The following CMSS1 variants were observed in gnomAD, a reference collection of about 807,000 sequenced individuals.
CMSS1 encodes the protein cms1 ribosomal small subunit homolog.
A neutral mutation model predicts 43.5 loss-of-function variants in CMSS1; 33 were observed. That is an observed-to-expected ratio of 0.76 (90% confidence interval 0.57 to 1.01). The LOEUF is 1.01. Among genes scored for constraint, CMSS1 ranks in the 50% least tolerant of loss-of-function variants. The pLI, the probability that CMSS1 is intolerant of heterozygous loss-of-function variation, is 0.00. For synonymous variants in CMSS1, 115 were observed against 117.2 expected, an observed-to-expected ratio of 0.98 and a Z score of 0.12; for missense variants, 313 against 326.4, an observed-to-expected ratio of 0.96 and a Z score of 0.32.
chr3:99,871,485 T>A (rs1033476216), intron 1 of CMSS1, among the ~76,000 whole-genome samples: 5 of 152,118 alleles, frequency 3.3e-5, no homozygotes, highest in Admixed American at 2.0e-4. Context: ...AAGAGACAGA[T>A]AATAAGCAAA....
intron 1 of CMSS1, among the ~76,000 whole-genome samples, chr3:99,918,379 A>G (rs113165582): frequency 1.5e-3 from 228 of 152,266 alleles, no homozygotes; most frequent in African/African-American, 5.1e-3. Context: ...CACTATCTCT[A>G]AGCTCCTGGT....
chr3:100,129,742 A>T (rs2066691870), intron 1 of CMSS1, among the ~76,000 whole-genome samples: 1 of 152,070 alleles, frequency 6.6e-6, no homozygotes, highest in African/African-American at 2.4e-5. Context: ...GAAACTCAAT[A>T]CTCACACTGT....
intron 9 of CMSS1, 86 bp downstream of exon 9, chr3:100,176,501 G>A (rs2067149441): frequency 4.9e-6 from 4 of 811,434 alleles, no homozygotes; most frequent in Non-Finnish European, 8.2e-6. Flanking sequence ...TTGACATGAG[G>A]AGCCAGCACA....
At chr3:100,005,277 A>G (rs1310796179) in intron 1 of CMSS1, among the ~76,000 whole-genome samples, 2 of 152,198 alleles carry the variant, frequency 1.3e-5, no homozygotes, top group African/African-American at 2.4e-5. Flanking sequence ...TTTTGGCTCA[A>G]TATTCAGTGT....
intron 1 of CMSS1, chr3:99,850,926 C>A: frequency 6.2e-7 from 1 of 1,614,136 alleles, no homozygotes; most frequent in East Asian, 2.2e-5. Flanking sequence ...TGAGCTGTGC[C>A]GTCAGCCTTT....
intron 1 of CMSS1, among the ~76,000 whole-genome samples, chr3:99,934,937 AGTG>A (rs1427562585): frequency 6.6e-6 from 1 of 152,214 alleles, no homozygotes; most frequent in African/African-American, 2.4e-5. Flanking sequence ...TGATTAATGA[AGTG>A]GTGTTCACAT....
intron 1 of CMSS1, among the ~76,000 whole-genome samples, chr3:99,975,059 G>A (rs1708929343): frequency 6.6e-6 from 1 of 152,178 alleles, no homozygotes; most frequent in South Asian, 2.1e-4. Flanking sequence ...GACTGCTAAT[G>A]TTCCAGGAAC....
At chr3:100,046,245 CA>C (rs2065277443) in intron 1 of CMSS1, among the ~76,000 whole-genome samples, 1 of 152,118 alleles carries the variant, frequency 6.6e-6, no homozygotes, top group Admixed American at 6.6e-5. Flanking sequence ...CGTTTGGATC[CA>C]GTAACTTCTT....
rs973544517 is a variant in CMSS1, at chr3:100,027,642, A to G, written c.65-119331A>G. ...TTTGTGCCTCAACATTGTTTTTCCC[A>G]AGGTATTGCTGTTTAGAATATGGAA... On this transcript the variant is annotated intron_variant, in intron 1 of 9. Transcript: ENST00000421999. Among the ~76,000 whole-genome samples, 3 of 152,134 alleles carry G rather than the reference A, an allele frequency of 2.0e-5. No homozygotes were observed. In the East Asian group the frequency reaches 5.8e-4, roughly 29 times the overall value.
At chr3:99,917,612 A>T (rs898131107) in intron 1 of CMSS1, among the ~76,000 whole-genome samples, 7 of 152,106 alleles carry the variant, frequency 4.6e-5, no homozygotes, top group African/African-American at 1.7e-4. Flanking sequence ...GGCTTCTGAG[A>T]TTTCTGTAAT....
intron 1 of CMSS1, among the ~76,000 whole-genome samples, chr3:99,900,019 G>A (rs1038993937): frequency 3.3e-5 from 5 of 152,152 alleles, no homozygotes; most frequent in Non-Finnish European, 7.3e-5. Flanking sequence ...AACTTGTCAG[G>A]ACTTTAGGAT....
chr3:100,132,336 A>G (rs1391769065), intron 1 of CMSS1, among the ~76,000 whole-genome samples: 1 of 152,120 alleles, frequency 6.6e-6, no homozygotes, highest in African/African-American at 2.4e-5. Flanking sequence ...CCAGCAGTTC[A>G]AGGCTATAGT....
intron 1 of CMSS1, among the ~76,000 whole-genome samples, chr3:99,946,972 T>TA (rs1245716089): frequency 6.6e-6 from 1 of 151,532 alleles, no homozygotes; most frequent in South Asian, 2.1e-4. Context: ...CCGCCTCTAC[T>TA]AAAAAAATAC....
chr3:99,911,630 A>G (rs1706792069), intron 1 of CMSS1, among the ~76,000 whole-genome samples: 1 of 152,124 alleles, frequency 6.6e-6, no homozygotes, highest in South Asian at 2.1e-4. Context: ...TCTGCCTGCT[A>G]AGTCTACTCA....
intron 8 of CMSS1, among the ~76,000 whole-genome samples, chr3:100,176,077 A>G (rs1383870902): frequency 6.6e-6 from 1 of 152,176 alleles, no homozygotes; most frequent in Non-Finnish European, 1.5e-5. Context: ...GCGTGTGAGC[A>G]TTTGAGGAGC....
chr3:99,892,006 A>T (rs1250705940), intron 1 of CMSS1, among the ~76,000 whole-genome samples: 1 of 152,146 alleles, frequency 6.6e-6, no homozygotes. Flanking sequence ...TGATTTTTTC[A>T]CAGTTGTTAC....
chr3:99,881,716 A>G (rs966762947), intron 1 of CMSS1, among the ~76,000 whole-genome samples: 10 of 152,022 alleles, frequency 6.6e-5, no homozygotes, highest in African/African-American at 1.7e-4. Flanking sequence ...TATTTTTAGT[A>G]AAGACGGGGT....
At chr3:99,849,426 T>C (rs1576509604) in intron 1 of CMSS1, 1 of 1,614,228 alleles carries the variant, frequency 6.2e-7, no homozygotes, top group Non-Finnish European at 8.5e-7. Context: ...CTTGTTGATT[T>C]AGTTTTTTTT....
chr3:99,905,614 G>A (rs1396408045), intron 1 of CMSS1, among the ~76,000 whole-genome samples: 2 of 152,122 alleles, frequency 1.3e-5, no homozygotes, highest in Non-Finnish European at 2.9e-5. Flanking sequence ...TTTTACATAT[G>A]TGTGTACTAT....
Sources: allele counts gnomAD v4.1 joint callset (sites outside exome capture counted in the v4.1 genomes callset), GRCh38; gene constraint gnomAD v4.1.1; transcripts MANE v1.5; gene names NCBI Gene and HGNC (gene_info 2026-07-23, HGNC 2026-07-21).